The following RAP1GAP variants were observed in gnomAD, a reference collection of about 807,000 sequenced individuals.
RAP1GAP encodes rap1 GTPase-activating protein 1.
A neutral mutation model predicts 87.2 loss-of-function variants in RAP1GAP; 35 were observed. That is an observed-to-expected ratio of 0.40 (90% confidence interval 0.31 to 0.53). RAP1GAP has a LOEUF of 0.53. Ranked by LOEUF, RAP1GAP falls within the 20% of genes least tolerant of loss-of-function variation. RAP1GAP has a pLI of 0.48. For missense variants in RAP1GAP, 734 were observed against 898.9 expected (o/e 0.82, Z 2.35); for synonymous variants, 375 against 363.9 (o/e 1.03, Z -0.35).
chr1:21,661,253 A>AG (rs1491404563), intron 1 of RAP1GAP, among the ~76,000 whole-genome samples: 1 of 74,752 alleles, frequency 1.3e-5, no homozygotes, highest in African/African-American at 7.6e-5. Flanking sequence ...CTCTGTCTCC[A>AG]AAAAAAAAAA....
At chr1:21,617,611 C>CT in intron 6 of RAP1GAP, 120 bp from the exon 7 acceptor site, 2 of 1,197,510 alleles carry the variant, frequency 1.7e-6, no homozygotes, top group Non-Finnish European at 2.3e-6. Flanking sequence ...AGGGGACAGG[C>CT]CAGAGCCTGT....
intron 4 of RAP1GAP, among the ~76,000 whole-genome samples, chr1:21,619,759 A>G (rs2085432751): frequency 6.6e-6 from 1 of 151,848 alleles, no homozygotes; most frequent in South Asian, 2.1e-4. Context: ...GGGTTGATGA[A>G]CTGACCCCAG....
chr1:21,598,562 C>T (rs1478097283), intron 21 of RAP1GAP, 60 bp from the exon 22 acceptor site: 11 of 1,366,130 alleles, frequency 8.1e-6, no homozygotes, highest in Non-Finnish European at 1.1e-5. Context: ...CTGGCTAGGG[C>T]TCCCTCCCAG....
In RAP1GAP at chr1:21,603,003, C is replaced by A. The variant is rs1248998880; in HGVS notation, c.1429-90G>T. ...CCTCTGGGGATCCTGCTGCCCCAGG[C>A]CCTGAAGCAGAGTTGATGAGCAAGA... On this transcript the variant is annotated intron_variant, in intron 18 of 24. Coordinates refer to ENST00000374765, the MANE Select transcript of RAP1GAP (RefSeq NM_002885.4). The surrounding 1 kb of genome is among the most constrained non-coding windows in gnomAD (Gnocchi z 6.0). The A allele has an allele frequency of 4.4e-6, 4 of 915,592 alleles. No individual in the cohort carries two copies. Among genetic ancestry groups the A allele is most frequent in the East Asian group, 5.3e-5 (2 of 37,636 alleles). The allele number at this position is 915,592 out of a possible 1,614,324, so 56.7% of individuals were successfully genotyped here.
At chr1:21,636,280 A>G (rs2094651589) in intron 2 of RAP1GAP, among the ~76,000 whole-genome samples, 1 of 152,224 alleles carries the variant, frequency 6.6e-6, no homozygotes, top group Non-Finnish European at 1.5e-5. Context: ...TTACTTAACC[A>G]CTATGAACCT....
rs1455660641 is a variant in RAP1GAP, at chr1:21,608,202, G to A, written c.1296+11C>T. Reference sequence around the variant, plus strand: ...CCTGCTCCCCGGCCAGTTAGACCTGGGGCCCTTCACCTTGAAAGACTCAAA... The same window carrying A: ...CCTGCTCCCCGGCCAGTTAGACCTGAGGCCCTTCACCTTGAAAGACTCAAA... On this transcript the variant is annotated intron_variant, in intron 17 of 24. Coordinates refer to ENST00000374765, the MANE Select transcript of RAP1GAP (RefSeq NM_002885.4). 1.2e-6 allele frequency: 2 copies of A among 1,613,536 alleles called. No homozygotes were observed. Among genetic ancestry groups the A allele is most frequent in the South Asian group, 2.2e-5 (2 of 91,018 alleles).
Position 21,598,506 on chromosome 1 carries a change from G to C in RAP1GAP, c.1777-4C>G. 1 of 1,607,832 alleles carries C rather than the reference G, an allele frequency of 6.2e-7. No homozygotes were observed. The highest frequency in any genetic ancestry group is 8.5e-7 in the Non-Finnish European group (1 of 1,174,630). Reference sequence around the variant, plus strand: ...TTCCTGAGGATGACACGCTCTCCTGGGGAGGGGGTGGAAAGAGGGAGGGAG... The same window carrying C: ...TTCCTGAGGATGACACGCTCTCCTGCGGAGGGGGTGGAAAGAGGGAGGGAG... On this transcript the variant is annotated splice_polypyrimidine_tract_variant and splice_region_variant and intron_variant, in intron 21 of 24. Coordinates refer to ENST00000374765, the MANE Select transcript of RAP1GAP (RefSeq NM_002885.4).
Position 21,602,813 on chromosome 1 carries a change from T to C in RAP1GAP, c.1529A>G (p.Gln510Arg). Residue 510 changes from glutamine to arginine, a missense_variant, in exon 19 of 25, where the codon CAG (glutamine) becomes CGG (arginine). Gln to Arg is a conservative substitution (Grantham distance 43, BLOSUM62 1). Coordinates refer to ENST00000374765, the MANE Select transcript of RAP1GAP (RefSeq NM_002885.4). Reference protein sequence around the residue: ...AIGIENIQEVQEKRESPPAGQ... With the variant: ...AIGIENIQEVREKRESPPAGQ... ...TCCCCCACTCACCCACCTCTTCTCC[T>C]GCACCTCCTGTATGTTCTCGATGCC... 1 of 1,607,472 alleles carries C rather than the reference T, an allele frequency of 6.2e-7. No homozygotes were observed. Among genetic ancestry groups the C allele is most frequent in the Non-Finnish European group, 8.5e-7 (1 of 1,178,612 alleles).
chr1:21,629,849 A>T (rs2093358705), intron 2 of RAP1GAP, among the ~76,000 whole-genome samples: 1 of 152,250 alleles, frequency 6.6e-6, no homozygotes, highest in African/African-American at 2.4e-5. Flanking sequence ...GAGGCAGGCC[A>T]GGCATTTGGA....
rs371618048 is a variant in RAP1GAP, at chr1:21,634,070, GGGGC to G, written c.-112-7677_-112-7674del. On this transcript the variant is annotated intron_variant, in intron 2 of 24. Coordinates refer to ENST00000374765, the MANE Select transcript of RAP1GAP (RefSeq NM_002885.4). The surrounding 1 kb of genome is among the most constrained non-coding windows in gnomAD (Gnocchi z 4.1). ...AACTGCCCCCTCCCGGGGGGGGGGG[GGGGC>G]CACAGAAGCCCATTGTTTTCTGAGC... 6.4e-4 allele frequency among the ~76,000 whole-genome samples: 84 copies of G among 131,720 alleles called. No homozygotes were observed. In the East Asian group the frequency reaches 0.01, roughly 16 times the overall value. 86.4% of individuals were successfully genotyped at this position (131,720 alleles called of 152,430 possible). A position where few individuals can be genotyped will look rare whatever the true frequency, so the allele number is the denominator to read the frequency against.
At chr1:21,601,022 C>CTTT (rs139287802) in intron 20 of RAP1GAP, among the ~76,000 whole-genome samples, 4 of 141,884 alleles carry the variant, frequency 2.8e-5, no homozygotes, top group African/African-American at 2.6e-5. Flanking sequence ...CTCAGATACT[C>CTTT]TTTTTTTTTT....
At position 21,613,666 on chromosome 1, in the gene RAP1GAP, A is replaced by G; in HGVS notation, c.436T>C (p.Cys146Arg). 1 of 1,613,814 alleles carries G rather than the reference A, an allele frequency of 6.2e-7. No individual in the cohort carries two copies. Among genetic ancestry groups the G allele is most frequent in the Non-Finnish European group, 8.5e-7 (1 of 1,179,848 alleles). The change falls in exon 9 of 25, where the codon TGC becomes CGC. Residue 146 changes from cysteine to arginine, a missense_variant. Around this residue, in one of 2 missense-constraint regions of RAP1GAP, gnomAD observed 485 missense variants for 646.2 expected, o/e 0.75. Transcript: ENST00000374765. The surrounding 1 kb of genome is among the most constrained non-coding windows in gnomAD (Gnocchi z 4.7). ...RTYHDVIPIS[C>R]LTEFPNVVQM... ...ACAACATTAGGGAACTCGGTGAGGCAGGAGATGGGGATGACATCATGGTAT... is the reference window on the plus strand; with the variant it reads ...ACAACATTAGGGAACTCGGTGAGGCGGGAGATGGGGATGACATCATGGTAT...
chr1:21,665,358 CT>C (rs1291646281), intron 1 of RAP1GAP: 4 of 418,982 alleles, frequency 9.5e-6, no homozygotes, highest in Admixed American at 4.9e-5. Context: ...TGAGCCTCAC[CT>C]CCTCATCTGA....
chr1:21,662,058 C>T (rs937144780), intron 1 of RAP1GAP, among the ~76,000 whole-genome samples: 3 of 152,184 alleles, frequency 2.0e-5, no homozygotes, highest in Admixed American at 2.0e-4. Flanking sequence ...TGATACTTGC[C>T]CTGGCCCCAT....
At position 21,601,805 on chromosome 1, in the gene RAP1GAP, G is replaced by A. The variant is rs760136488; in HGVS notation, c.1539-8C>T. The A allele has an allele frequency of 1.3e-6, 2 of 1,578,604 alleles. No individual in the cohort carries two copies. The highest frequency in any genetic ancestry group is 1.3e-5 in the African/African-American group (1 of 74,110). Reference sequence around the variant, plus strand: ...CCAGCCGGAGGGCTCTCCCTGCGGGGCACACGGGGGCAGCGGGGGGATTCA... The same window carrying A: ...CCAGCCGGAGGGCTCTCCCTGCGGGACACACGGGGGCAGCGGGGGGATTCA... On this transcript the variant is annotated splice_region_variant and splice_polypyrimidine_tract_variant and intron_variant, in intron 19 of 24. Transcript: ENST00000374765.
chr1:21,643,565 A>AG, intron 2 of RAP1GAP, among the ~76,000 whole-genome samples: 1 of 143,120 alleles, frequency 7.0e-6, no homozygotes. Flanking sequence ...TCAAAAAAAA[A>AG]AAAAAAAAAA....
intron 3 of RAP1GAP, among the ~76,000 whole-genome samples, 163 bp downstream of exon 3, chr1:21,626,141 C>G (rs2091934791): frequency 6.6e-6 from 1 of 152,174 alleles, no homozygotes; most frequent in Non-Finnish European, 1.5e-5. Context: ...CCAGCCTCAC[C>G]CCGGGCTCAG....
At chr1:21,597,326 T>C (rs1446732190) in intron 24 of RAP1GAP, 62 bp from the exon 25 acceptor site, 1 of 231,084 alleles carries the variant, frequency 4.3e-6, no homozygotes, top group Non-Finnish European at 8.5e-6. Context: ...CTGGCACCAG[T>C]GTGCCCCAAC....
intron 2 of RAP1GAP, chr1:21,627,021 C>T: frequency 6.6e-6 from 3 of 456,626 alleles, no homozygotes; most frequent in Non-Finnish European, 1.3e-5. Context: ...CTGCCTGAGT[C>T]TAAGCCCGGA....
Sources: gnomAD v4.1 joint callset for allele counts (sites outside exome capture counted in the v4.1 genomes callset) on GRCh38, gnomAD v4.1.1 for gene constraint, gnomAD v4.1.1 regional missense constraint, Gnocchi (gnomAD v3.1) non-coding constraint, MANE v1.5 for transcripts, NCBI Gene and HGNC (gene_info 2026-07-23, HGNC 2026-07-21) for gene names.